The following HAPLN1 variants were observed in gnomAD, a reference collection of about 807,000 sequenced individuals.
HAPLN1 encodes the protein Cartilage link protein.
A neutral mutation model predicts 36.5 loss-of-function variants in HAPLN1; 13 were observed. That is an observed-to-expected ratio of 0.36 (90% CI 0.23 to 0.57). The LOEUF (loss-of-function observed/expected upper bound fraction) is 0.57. Among genes scored for constraint, HAPLN1 ranks in the 20% least tolerant of loss-of-function variants. HAPLN1 has a pLI of 0.83. For synonymous variants in HAPLN1, 202 were observed against 169.8 expected (o/e 1.19, Z -1.48); for missense variants, 407 against 439.7 (o/e 0.93, Z 0.66).
intron 1 of HAPLN1, among the ~76,000 whole-genome samples, chr5:83,677,243 G>T (rs1401149620): frequency 6.6e-6 from 1 of 152,166 alleles, no homozygotes; most frequent in African/African-American, 2.4e-5. Flanking sequence ...TCTAGAAGTG[G>T]AGTCTTAGGG....
chr5:83,645,877 A>C (rs575800908), intron 3 of HAPLN1, among the ~76,000 whole-genome samples: 27 of 152,304 alleles, frequency 1.8e-4, no homozygotes, highest in African/African-American at 6.3e-4. Context: ...TTTATTATAA[A>C]CAGGAAAAAA....
chr5:83,717,785 A>T (rs994621602), intron 1 of HAPLN1, among the ~76,000 whole-genome samples: 1 of 152,210 alleles, frequency 6.6e-6, no homozygotes, highest in Non-Finnish European at 1.5e-5. Context: ...CAAAACTCCA[A>T]GTGAACAACA....
chr5:83,704,543 T>A (rs540719077), intron 1 of HAPLN1, among the ~76,000 whole-genome samples: 17 of 151,712 alleles, frequency 1.1e-4, no homozygotes, highest in Non-Finnish European at 2.2e-4. Context: ...AAGCTCAAAA[T>A]AAAGGGATGG....
chr5:83,656,190 T>C (rs1750205117), intron 2 of HAPLN1, among the ~76,000 whole-genome samples: 1 of 151,752 alleles, frequency 6.6e-6, no homozygotes. Flanking sequence ...TAGACAGGCA[T>C]GGTGGCGTGT....
rs1049679669 is a variant in HAPLN1 at position 83,640,412 on chromosome 5, T to G, written c.*1084A>C. Reference sequence around the variant, plus strand: ...TAAGGTTTAGAACTACACTGTTGACTTTTCCCCCCAAACACAGGCACTGGT... The same window carrying G: ...TAAGGTTTAGAACTACACTGTTGACGTTTCCCCCCAAACACAGGCACTGGT... On this transcript the variant is annotated 3_prime_UTR_variant, in exon 5 of 5. Transcript: ENST00000274341. 6.6e-6 allele frequency: 1 copy of G among 152,114 alleles called. No homozygotes were observed. The highest frequency in any genetic ancestry group is 6.5e-5 in the Admixed American group (1 of 15,270). 9.4% of individuals were successfully genotyped at this position (152,114 alleles called of 1,614,324 possible). A position where few individuals can be genotyped will look rare whatever the true frequency, so the allele number is the denominator to read the frequency against.
At chr5:83,650,552 A>G (rs1333032630) in intron 3 of HAPLN1, among the ~76,000 whole-genome samples, 1 of 151,908 alleles carries the variant, frequency 6.6e-6, no homozygotes, top group African/African-American at 2.4e-5. Context: ...CATATATTCT[A>G]TATGGCAGGG....
intron 2 of HAPLN1, among the ~76,000 whole-genome samples, chr5:83,661,264 A>G (rs1200897158): frequency 6.6e-6 from 1 of 151,476 alleles, no homozygotes; most frequent in Non-Finnish European, 1.5e-5. Flanking sequence ...ATTTATATCT[A>G]CCTGTATCTA....
chr5:83,673,374 A>G (rs1211536572), intron 2 of HAPLN1, 50 bp downstream of exon 2: 1 of 1,294,940 alleles, frequency 7.7e-7, no homozygotes, highest in South Asian at 1.3e-5. Context: ...CTCAACTCTA[A>G]GTAACTTAAA....
chr5:83,697,579 A>G (rs1751421258), intron 1 of HAPLN1, among the ~76,000 whole-genome samples: 2 of 152,182 alleles, frequency 1.3e-5, no homozygotes, highest in Non-Finnish European at 1.5e-5. Flanking sequence ...TATGGTAACT[A>G]TATGTTGAGC....
intron 1 of HAPLN1, among the ~76,000 whole-genome samples, chr5:83,683,824 G>A (rs1489547557): frequency 1.3e-5 from 2 of 152,166 alleles, no homozygotes; most frequent in African/African-American, 4.8e-5. Context: ...CAAATACTGA[G>A]AGAATACTGA....
rs2112542154 is a variant in HAPLN1 at position 83,638,536 on chromosome 5, G to A, written c.*2960C>T. 1 of 152,056 alleles carries A rather than the reference G, an allele frequency of 6.6e-6. No individual in the cohort carries two copies. Among genetic ancestry groups the A allele is most frequent in the East Asian group, 1.9e-4 (1 of 5,168 alleles). 9.4% of individuals were successfully genotyped at this position (152,056 alleles called of 1,614,324 possible). ...CCCTTTTAATCCTCCCCTCCTTAGT[G>A]GTCAGCTACTCCATGAGACCACCAT... On this transcript the variant is annotated 3_prime_UTR_variant, in exon 5 of 5. Coordinates refer to ENST00000274341, the MANE Select transcript of HAPLN1 (RefSeq NM_001884.4).
chr5:83,655,738 G>T lies in HAPLN1; in HGVS notation c.101-2914C>A, dbSNP rs529239387. 1.2e-4 allele frequency among the ~76,000 whole-genome samples: 18 copies of T among 152,224 alleles called. No individual in the cohort carries two copies. The South Asian group carries it at 3.7e-3, about 32-fold the overall frequency. ...CAGATTACACAGCTCTGAGCATTTT[G>T]GAGAAGTGGTCTATTGCAGGCTCTC... On this transcript the variant is annotated intron_variant, in intron 2 of 4. Transcript: ENST00000274341.
At chr5:83,657,943 C>T (rs933431093) in intron 2 of HAPLN1, among the ~76,000 whole-genome samples, 3 of 151,904 alleles carry the variant, frequency 2.0e-5, no homozygotes, top group Non-Finnish European at 4.4e-5. Flanking sequence ...TAAAAAATTG[C>T]TATTTTAACC....
chr5:83,709,360 A>G (rs1375772635), intron 1 of HAPLN1, among the ~76,000 whole-genome samples: 2 of 152,190 alleles, frequency 1.3e-5, no homozygotes, highest in Non-Finnish European at 2.9e-5. Context: ...CATAAAGCCT[A>G]TGTCTGAAAA....
intron 1 of HAPLN1, among the ~76,000 whole-genome samples, chr5:83,707,826 A>G (rs1411664791): frequency 6.6e-6 from 1 of 152,228 alleles, no homozygotes; most frequent in Non-Finnish European, 1.5e-5. Context: ...TTTGCAAACT[A>G]TACATCTGTA....
intron 1 of HAPLN1, among the ~76,000 whole-genome samples, chr5:83,680,431 A>G (rs543282418): frequency 1.3e-5 from 2 of 152,288 alleles, no homozygotes; most frequent in South Asian, 2.1e-4. Flanking sequence ...CTGAGTAACT[A>G]AAAGTCTGGA....
chr5:83,654,100 T>C (rs145133132), intron 2 of HAPLN1, among the ~76,000 whole-genome samples: 30 of 152,344 alleles, frequency 2.0e-4, no homozygotes, highest in African/African-American at 7.0e-4. Context: ...ATGGCAAATA[T>C]AGGATTTGGA....
chr5:83,677,747 C>G (rs13179161), intron 1 of HAPLN1, among the ~76,000 whole-genome samples: 10,072 of 152,230 alleles, frequency 0.066, 404 homozygotes, highest in African/African-American at 0.078. Context: ...AACAAGTATA[C>G]AAATCACAAA....
intron 2 of HAPLN1, among the ~76,000 whole-genome samples, chr5:83,664,069 T>C (rs906351434): frequency 5.9e-5 from 9 of 152,206 alleles, no homozygotes; most frequent in African/African-American, 2.2e-4. Flanking sequence ...GGACCACTTA[T>C]AAAGTACTGT....
Sources: gnomAD v4.1 joint callset for allele counts (sites outside exome capture counted in the v4.1 genomes callset) on GRCh38, gnomAD v4.1.1 for gene constraint, MANE v1.5 for transcripts, NCBI Gene and HGNC (gene_info 2026-07-23, HGNC 2026-07-21) for gene names.